ASPH: variants seen among roughly 807,000 people sequenced by gnomAD.
ASPH encodes aspartyl/asparaginyl beta-hydroxylase.
ASPH carries 100 observed loss-of-function variants against 118.4 expected under a neutral mutation model. That is an observed-to-expected ratio of 0.84 (90% confidence interval 0.72 to 1.00). The LOEUF is 1.00. Ranked by LOEUF, ASPH falls within the 50% of genes least tolerant of loss-of-function variation. The probability of loss-of-function intolerance (pLI) is 0.00; values close to 1 mark genes in which losing one functional copy is unlikely to be tolerated. For missense variants in ASPH, 920 were observed against 919.5 expected, an observed-to-expected ratio of 1.00 and a Z score of -0.01; for synonymous variants, 315 against 325.6, an observed-to-expected ratio of 0.97 and a Z score of 0.35.
At chr8:61,508,128 C>A (rs1344601335) in intron 24 of ASPH, among the ~76,000 whole-genome samples, 2 of 152,338 alleles carry the variant, frequency 1.3e-5, no homozygotes, top group South Asian at 4.1e-4. Context: ...GATCCTCCCA[C>A]CTCAGTCTCC....
At position 61,637,896 on chromosome 8, in the gene ASPH, AAACACAATTCTCATATGG is replaced by A. The variant is rs1858577281; in HGVS notation, c.889+33_889+50del. ...ATGTTCGATAAATAACTGAATAAACAAACACAATTCTCATATGGAAGGTAAAACCACTTCCATAAATTT... is the reference window on the plus strand; with the variant it reads ...ATGTTCGATAAATAACTGAATAAACAAAGGTAAAACCACTTCCATAAATTT... On this transcript the variant is annotated intron_variant, in intron 12 of 24. Transcript: ENST00000379454. The A allele has an allele frequency of 2.0e-6, 3 of 1,524,968 alleles. No homozygotes were observed. The East Asian group carries it at 6.8e-5, about 35-fold the overall frequency. 94.5% of individuals were successfully genotyped at this position (1,524,968 alleles called of 1,614,324 possible). A position where few individuals can be genotyped will look rare whatever the true frequency, so the allele number is the denominator to read the frequency against.
chr8:61,667,604 A>C, intron 3 of ASPH, among the ~76,000 whole-genome samples: 1 of 152,144 alleles, frequency 6.6e-6, no homozygotes, highest in Non-Finnish European at 1.5e-5. Context: ...TGACCTCGTG[A>C]TCCACCCGCC....
chr8:61,672,993 G>T (rs1823374196), intron 3 of ASPH, among the ~76,000 whole-genome samples: 1 of 152,196 alleles, frequency 6.6e-6, no homozygotes, highest in African/African-American at 2.4e-5. Context: ...AGAATAACTG[G>T]CTGTGCTAGA....
chr8:61,590,880 T>C (rs1192636275), intron 14 of ASPH, among the ~76,000 whole-genome samples: 1 of 152,208 alleles, frequency 6.6e-6, no homozygotes, highest in Non-Finnish European at 1.5e-5. Flanking sequence ...CTCGTTTAAA[T>C]GTCATTTCTT....
rs76199693 is a variant in ASPH, at chr8:61,636,189, T to C, written c.889+1758A>G. On this transcript the variant is annotated intron_variant, in intron 12 of 24. Transcript: ENST00000379454. Reference sequence around the variant, plus strand: ...TTGGACAGATCATCCTAACAGTATGTGAAAGATGGGTTTGGAGGGGACAAG... The same window carrying C: ...TTGGACAGATCATCCTAACAGTATGCGAAAGATGGGTTTGGAGGGGACAAG... Among the ~76,000 whole-genome samples, 778 of 152,198 alleles carry C rather than the reference T, an allele frequency of 5.1e-3. 10 individuals carry two copies. Among genetic ancestry groups the C allele is most frequent in the African/African-American group, 0.018 (739 of 41,514 alleles).
Position 61,585,197 on chromosome 8 carries a change from C to G in ASPH, c.977-1168G>C, listed in dbSNP as rs185714473. Reference sequence around the variant, plus strand: ...CAGCACCCAGCAAACAGGAGCCCTCCTCCCGAAGGCAAGGCACACCCAGCA... The same window carrying G: ...CAGCACCCAGCAAACAGGAGCCCTCGTCCCGAAGGCAAGGCACACCCAGCA... On this transcript the variant is annotated intron_variant, in intron 14 of 24. Transcript: ENST00000379454. 2.1e-3 allele frequency among the ~76,000 whole-genome samples: 324 copies of G among 152,292 alleles called. 2 individuals are homozygous for G. The highest frequency in any genetic ancestry group is 7.2e-3 in the African/African-American group (298 of 41,564).
At chr8:61,653,240 G>A (rs1333760246) in intron 4 of ASPH, among the ~76,000 whole-genome samples, 1 of 152,174 alleles carries the variant, frequency 6.6e-6, no homozygotes, top group Non-Finnish European at 1.5e-5. Context: ...TAGTAGTGTA[G>A]AATTGTGTGT....
intron 16 of ASPH, among the ~76,000 whole-genome samples, chr8:61,576,275 T>C (rs1444568318): frequency 6.6e-6 from 1 of 152,118 alleles, no homozygotes; most frequent in Non-Finnish European, 1.5e-5. Context: ...AGTTGGAAAC[T>C]AGAAAAAGCC....
chr8:61,605,567 T>C (rs1429867082), intron 14 of ASPH, among the ~76,000 whole-genome samples: 1 of 152,214 alleles, frequency 6.6e-6, no homozygotes, highest in African/African-American at 2.4e-5. Context: ...TGCAAGAATT[T>C]TCTAGAATTA....
At chr8:61,682,480 T>C (rs1828579172) in intron 2 of ASPH, 10 of 1,612,446 alleles carry the variant, frequency 6.2e-6, no homozygotes, top group Non-Finnish European at 7.6e-6. Context: ...GTCCTTTGCT[T>C]TGGCTGCATG....
intron 15 of ASPH, among the ~76,000 whole-genome samples, chr8:61,581,208 G>T (rs1837410751): frequency 6.6e-6 from 1 of 152,160 alleles, no homozygotes; most frequent in African/African-American, 2.4e-5. Flanking sequence ...TCAGTTGGCT[G>T]GCAAAGTAAA....
chr8:61,541,986 CAG>C (rs2130564950), intron 21 of ASPH, among the ~76,000 whole-genome samples: 2 of 152,276 alleles, frequency 1.3e-5, no homozygotes, highest in East Asian at 3.9e-4. Flanking sequence ...GGCAAGCAAA[CAG>C]ATTTTGAGGA....
At chr8:61,547,009 T>C (rs867429443) in intron 21 of ASPH, among the ~76,000 whole-genome samples, 21 of 152,208 alleles carry the variant, frequency 1.4e-4, no homozygotes, top group African/African-American at 4.6e-4. Context: ...CATGTACAAA[T>C]AGCAATTAGA....
intron 1 of ASPH, among the ~76,000 whole-genome samples, chr8:61,707,046 TC>T (rs1836868725): frequency 1.3e-5 from 2 of 152,114 alleles, no homozygotes; most frequent in African/African-American, 4.8e-5. Flanking sequence ...CAAGAATAAT[TC>T]ATAACATCTG....
chr8:61,608,512 A>T (rs1009879066), intron 14 of ASPH, among the ~76,000 whole-genome samples: 4 of 151,950 alleles, frequency 2.6e-5, no homozygotes, highest in Admixed American at 6.6e-5. Flanking sequence ...TAAACTTAAA[A>T]TTTTTTTTCA....
rs1042985689 is a variant in ASPH at position 61,598,465 on chromosome 8, C to T, written c.977-14436G>A. Among the ~76,000 whole-genome samples, 14 of 152,138 alleles carry T rather than the reference C, an allele frequency of 9.2e-5. No homozygotes were observed. The East Asian group carries it at 2.7e-3, about 29-fold the overall frequency. ...AATTCTTCAAGAGGACATAATTCCA[C>T]ATATATATGCATCCAGATATATAAA... is the stretch of plus-strand genomic sequence containing the variant. On this transcript the variant is annotated intron_variant, in intron 14 of 24. Transcript: ENST00000379454.
chr8:61,638,385 C>CA (rs1858870770), intron 10 of ASPH, 22 bp from the exon 11 acceptor site: 7 of 1,497,078 alleles, frequency 4.7e-6, no homozygotes, highest in Non-Finnish European at 6.4e-6. Flanking sequence ...AAAACAGAAA[C>CA]AAAATCCCGT....
At chr8:61,705,042 C>T (rs1422002496) in intron 1 of ASPH, among the ~76,000 whole-genome samples, 3 of 151,924 alleles carry the variant, frequency 2.0e-5, no homozygotes, top group Admixed American at 2.0e-4. Context: ...TCATAATAAC[C>T]CAAAACTAGC....
intron 24 of ASPH, 47 bp downstream of exon 24, chr8:61,517,481 C>T: frequency 6.3e-7 from 1 of 1,598,292 alleles, no homozygotes; most frequent in Non-Finnish European, 8.6e-7. Flanking sequence ...GTAACAAACT[C>T]TCATCCTCTG....
Sources: gnomAD v4.1 joint callset for allele counts (sites outside exome capture counted in the v4.1 genomes callset) on GRCh38, gnomAD v4.1.1 for gene constraint, MANE v1.5 for transcripts, NCBI Gene and HGNC (gene_info 2026-07-23, HGNC 2026-07-21) for gene names.